Variants in STK32B observed in about 807,000 individuals in gnomAD.
STK32B encodes serine/threonine kinase 32B.
Under a neutral mutation model 52.6 loss-of-function variants are expected in STK32B, and 43 were observed. That is an observed-to-expected ratio of 0.82 (90% confidence interval 0.64 to 1.05). The LOEUF is 1.05. STK32B is among the 50% of genes least tolerant of loss of function. The pLI is 0.00. For missense variants in STK32B, 621 were observed against 534.6 expected, an observed-to-expected ratio of 1.16 and a Z score of -1.59; for synonymous variants, 238 against 204.3, an observed-to-expected ratio of 1.17 and a Z score of -1.41.
chr4:5,157,899 A>T (rs1273727441), intron 2 of STK32B, among the ~76,000 whole-genome samples: 2 of 152,202 alleles, frequency 1.3e-5, no homozygotes, highest in East Asian at 1.9e-4. Context: ...CTTAACAATG[A>T]TGCATTTACT....
intron 1 of STK32B, among the ~76,000 whole-genome samples, chr4:5,111,130 G>A (rs1466782102): frequency 2.0e-5 from 3 of 152,132 alleles, no homozygotes; most frequent in Non-Finnish European, 2.9e-5. Flanking sequence ...TGATGTGGAC[G>A]TGGAGAAAGG....
At chr4:5,258,977 A>T (rs771430897) in intron 3 of STK32B, among the ~76,000 whole-genome samples, 32 of 152,132 alleles carry the variant, frequency 2.1e-4, no homozygotes, top group Non-Finnish European at 4.6e-4. Context: ...CCAGGCTTGT[A>T]AAAGCCTGTT....
rs536161734 is a variant in STK32B, at chr4:5,484,187, G to T, written c.1107-14758G>T. 3.9e-5 allele frequency among the ~76,000 whole-genome samples: 6 copies of T among 152,260 alleles called. No homozygotes were observed. The East Asian group carries it at 1.2e-3, about 29-fold the overall frequency. On this transcript the variant is annotated intron_variant, in intron 11 of 11. Coordinates refer to ENST00000282908, the MANE Select transcript of STK32B (RefSeq NM_018401.3). ...TGATCTGTCTAATGTTGACAGTGGG[G>T]TGTTAAAGTCTCCCATTATTATTGT... is the stretch of plus-strand genomic sequence containing the variant.
At chr4:5,312,408 G>C (rs1407978434) in intron 3 of STK32B, among the ~76,000 whole-genome samples, 2 of 151,244 alleles carry the variant, frequency 1.3e-5, no homozygotes, top group African/African-American at 2.4e-5. Context: ...TTTAGCATTA[G>C]GTATATCTCC....
At chr4:5,451,203 G>C (rs1228781215) in intron 7 of STK32B, among the ~76,000 whole-genome samples, 2 of 152,218 alleles carry the variant, frequency 1.3e-5, no homozygotes, top group African/African-American at 4.8e-5. Flanking sequence ...TGCAGGTAAA[G>C]CTCTGCTGAC....
At chr4:5,158,508 C>G (rs754240156) in intron 2 of STK32B, among the ~76,000 whole-genome samples, 1 of 152,106 alleles carries the variant, frequency 6.6e-6, no homozygotes, top group African/African-American at 2.4e-5. Flanking sequence ...CTTATTCATT[C>G]GTTCGTAATT....
At chr4:5,313,020 TGATAA>T (rs905636595) in intron 3 of STK32B, among the ~76,000 whole-genome samples, 1 of 151,922 alleles carries the variant, frequency 6.6e-6, no homozygotes, top group Non-Finnish European at 1.5e-5. Flanking sequence ...GAAGACAGTA[TGATAA>T]AAGAAAGACC....
At chr4:5,359,347 C>T (rs1224678509) in intron 4 of STK32B, among the ~76,000 whole-genome samples, 2 of 151,168 alleles carry the variant, frequency 1.3e-5, no homozygotes, top group African/African-American at 4.9e-5. Context: ...ACCCATCCAC[C>T]CATCCATCCA....
intron 6 of STK32B, among the ~76,000 whole-genome samples, chr4:5,439,797 G>T (rs1454289679): frequency 3.3e-5 from 5 of 151,872 alleles, no homozygotes; most frequent in African/African-American, 4.8e-5. Context: ...GTAAGGAAGG[G>T]ATCCAGTTTC....
chr4:5,160,844 C>T (rs558705344), intron 2 of STK32B, among the ~76,000 whole-genome samples: 88 of 152,262 alleles, frequency 5.8e-4, no homozygotes, highest in Admixed American at 1.8e-3. Flanking sequence ...GTGCTGGGGA[C>T]GGCTTTGCCC....
At chr4:5,063,543 A>G (rs1742298557) in intron 1 of STK32B, among the ~76,000 whole-genome samples, 1 of 152,112 alleles carries the variant, frequency 6.6e-6, no homozygotes, top group South Asian at 2.1e-4. Context: ...GGGTTTCACC[A>G]TGTTGGCCAG....
At chr4:5,473,342 G>T (rs984878274) in intron 11 of STK32B, among the ~76,000 whole-genome samples, 1 of 152,202 alleles carries the variant, frequency 6.6e-6, no homozygotes, top group Non-Finnish European at 1.5e-5. Flanking sequence ...TGGCCTTGAG[G>T]GTTCTCTCCA....
Position 5,057,807 on chromosome 4 carries a change from A to G in STK32B, c.52+5892A>G, listed in dbSNP as rs538272970. The stretch of plus-strand genomic sequence containing the variant: ...TAAAATCTGGACTTTGAGAAATGGC[A>G]GACTGAGATGAAGAAACTGTTCTAC... On this transcript the variant is annotated intron_variant, in intron 1 of 11. Transcript: ENST00000282908. Among the ~76,000 whole-genome samples, 305 of 152,310 alleles carry G rather than the reference A, an allele frequency of 2.0e-3. 5 individuals carry two copies. The highest frequency in any genetic ancestry group is 1.2e-4 in the Non-Finnish European group (8 of 68,016).
At chr4:5,404,389 C>T (rs1737514449) in intron 5 of STK32B, among the ~76,000 whole-genome samples, 1 of 152,144 alleles carries the variant, frequency 6.6e-6, no homozygotes, top group African/African-American at 2.4e-5. Flanking sequence ...TTGATAAGGA[C>T]ACTCATCATA....
intron 3 of STK32B, among the ~76,000 whole-genome samples, chr4:5,329,835 C>A (rs1732116918): frequency 6.6e-6 from 1 of 152,194 alleles, no homozygotes; most frequent in African/African-American, 2.4e-5. Flanking sequence ...CCAGCCATCT[C>A]CTCTTTCCTG....
At chr4:5,113,646 T>C (rs191508631) in intron 1 of STK32B, among the ~76,000 whole-genome samples, 21 of 152,356 alleles carry the variant, frequency 1.4e-4, no homozygotes, top group African/African-American at 3.8e-4. Flanking sequence ...TAAAACCCTG[T>C]AGGGTTCAAC....
intron 1 of STK32B, among the ~76,000 whole-genome samples, chr4:5,112,405 C>G (rs1354512680): frequency 6.6e-6 from 1 of 152,150 alleles, no homozygotes; most frequent in Non-Finnish European, 1.5e-5. Context: ...TAGGTCCAAT[C>G]TGAAAGCCTA....
intron 2 of STK32B, among the ~76,000 whole-genome samples, chr4:5,167,578 C>T (rs1034738333): frequency 1.9e-4 from 29 of 152,308 alleles, no homozygotes; most frequent in African/African-American, 7.0e-4. Context: ...GGAAGGAAGA[C>T]AGCCAGGAAA....
intron 3 of STK32B, among the ~76,000 whole-genome samples, chr4:5,276,801 G>A (rs1233846168): frequency 6.6e-6 from 1 of 152,040 alleles, no homozygotes; most frequent in Non-Finnish European, 1.5e-5. Context: ...GCTGGCCAAC[G>A]GTGGGGTGCA....
Sources: gnomAD v4.1 joint callset for allele counts (sites outside exome capture counted in the v4.1 genomes callset) on GRCh38, gnomAD v4.1.1 for gene constraint, MANE v1.5 for transcripts, NCBI Gene and HGNC (gene_info 2026-07-23, HGNC 2026-07-21) for gene names.